Variants in ADGRL2 observed in about 807,000 individuals in gnomAD.
ADGRL2 encodes the protein adhesion G protein-coupled receptor L2, also known as calcium-independent alpha-latrotoxin receptor 2.
A neutral mutation model predicts 157.4 loss-of-function variants in ADGRL2; 44 were observed. The observed-to-expected ratio is 0.28, with a 90% CI of 0.22 to 0.36. ADGRL2 has a LOEUF of 0.36. Among genes scored for constraint, ADGRL2 ranks in the 10% least tolerant of loss-of-function variants. ADGRL2 has a pLI of 1.00. For missense variants in ADGRL2, 1,510 were observed against 1,768.9 expected (o/e 0.85, Z 2.63); for synonymous variants, 585 against 624.7 (o/e 0.94, Z 0.95).
chr1:81,920,343 C>A (rs1211616607), intron 3 of ADGRL2, among the ~76,000 whole-genome samples: 1 of 152,126 alleles, frequency 6.6e-6, no homozygotes, highest in Non-Finnish European at 1.5e-5. Context: ...GAAAACAACT[C>A]ATAAAACTCT....
chr1:81,970,610 C>T (rs6690427), intron 16 of ADGRL2, 76 bp downstream of exon 16: 4 of 1,035,260 alleles, frequency 3.9e-6, no homozygotes, highest in South Asian at 1.4e-5. Flanking sequence ...AGTGAGGGTC[C>T]CTGACAGATT....
intron 1 of ADGRL2, among the ~76,000 whole-genome samples, chr1:81,754,499 C>A: frequency 7.8e-6 from 1 of 127,464 alleles, no homozygotes; most frequent in Non-Finnish European, 1.6e-5. Context: ...TTCCTTCTTT[C>A]CTTCCTCTTT....
At chr1:81,385,466 G>A (rs577556000) in intron 1 of ADGRL2, among the ~76,000 whole-genome samples, 1 of 152,160 alleles carries the variant, frequency 6.6e-6, no homozygotes, top group South Asian at 2.1e-4. Context: ...TCAAGTAAAT[G>A]AAATCAAAGG....
chr1:81,778,904 T>G (rs1382365631), intron 2 of ADGRL2, among the ~76,000 whole-genome samples: 1 of 152,228 alleles, frequency 6.6e-6, no homozygotes, highest in Non-Finnish European at 1.5e-5. Flanking sequence ...CTTGGGCAAC[T>G]TATTCAACCA....
At chr1:81,337,706 A>G (rs896824308) in intron 1 of ADGRL2, among the ~76,000 whole-genome samples, 2 of 152,304 alleles carry the variant, frequency 1.3e-5, no homozygotes, top group Admixed American at 1.3e-4. Context: ...CCATTGGTCT[A>G]CAGGATTTGT....
chr1:81,666,045 CAAAT>C (rs758311850), intron 3 of ADGRL2, among the ~76,000 whole-genome samples: 1 of 152,098 alleles, frequency 6.6e-6, no homozygotes, highest in Non-Finnish European at 1.5e-5. Context: ...AACAATCAAA[CAAAT>C]AGATAAGCAA....
chr1:81,655,953 C>T lies in ADGRL2; in HGVS notation c.-143+74973C>T, dbSNP rs113118644. Among the ~76,000 whole-genome samples, 487 of 152,306 alleles carry T rather than the reference C, an allele frequency of 3.2e-3. 2 individuals carry two copies. The highest frequency in any genetic ancestry group is 0.011 in the African/African-American group (447 of 41,572). ...AGCCCCAGGGTTCAAAGGTTCAGGACTGCCAGAGGCATTTGGGAAAGGCTG... is the reference window on the plus strand; with the variant it reads ...AGCCCCAGGGTTCAAAGGTTCAGGATTGCCAGAGGCATTTGGGAAAGGCTG... On this transcript the variant is annotated intron_variant, in intron 3 of 24. Transcript: ENST00000370721.
intron 3 of ADGRL2, among the ~76,000 whole-genome samples, chr1:81,680,067 G>A (rs2083077025): frequency 1.3e-5 from 2 of 152,320 alleles, no homozygotes; most frequent in South Asian, 4.1e-4. Flanking sequence ...AGGGAAAATA[G>A]TGTAAAGTTA....
At chr1:81,806,496 T>C (rs2089173869) in intron 1 of ADGRL2, among the ~76,000 whole-genome samples, 1 of 152,056 alleles carries the variant, frequency 6.6e-6, no homozygotes, top group Non-Finnish European at 1.5e-5. Flanking sequence ...TTTCATTAAA[T>C]TTAAAATAGC....
chr1:81,631,196 C>T (rs529995853), intron 3 of ADGRL2, among the ~76,000 whole-genome samples: 36 of 151,800 alleles, frequency 2.4e-4, no homozygotes, highest in Non-Finnish European at 4.9e-4. Context: ...TGGAACCAAC[C>T]GACCTTCTTT....
At chr1:81,593,271 G>A (rs76879658) in intron 3 of ADGRL2, among the ~76,000 whole-genome samples, 1,799 of 152,218 alleles carry the variant, frequency 0.012, 33 homozygotes, top group African/African-American at 0.041. Context: ...ATCACCTGGC[G>A]CTCACTATTA....
At chr1:81,547,304 C>A (rs1413577702) in intron 2 of ADGRL2, among the ~76,000 whole-genome samples, 1 of 152,168 alleles carries the variant, frequency 6.6e-6, no homozygotes, top group Non-Finnish European at 1.5e-5. Flanking sequence ...GCAGAAGGAA[C>A]CTGTAAAGCG....
At chr1:81,933,960 T>C (rs2095272058) in intron 3 of ADGRL2, among the ~76,000 whole-genome samples, 1 of 152,124 alleles carries the variant, frequency 6.6e-6, no homozygotes, top group African/African-American at 2.4e-5. Context: ...TTCTTGCACT[T>C]CTGATATCTC....
intron 1 of ADGRL2, among the ~76,000 whole-genome samples, chr1:81,740,354 G>C (rs1373484110): frequency 6.6e-6 from 1 of 152,146 alleles, no homozygotes; most frequent in African/African-American, 2.4e-5. Context: ...TGGCATCCTT[G>C]AATATAATTT....
chr1:81,331,125 A>C (rs1322618205), intron 1 of ADGRL2, among the ~76,000 whole-genome samples: 2 of 152,130 alleles, frequency 1.3e-5, no homozygotes, highest in Non-Finnish European at 2.9e-5. Context: ...AAACCAAAAC[A>C]TCAAGCTGAT....
At chr1:81,390,736 A>T (rs1166506779) in intron 1 of ADGRL2, among the ~76,000 whole-genome samples, 1 of 152,308 alleles carries the variant, frequency 6.6e-6, no homozygotes, top group Non-Finnish European at 1.5e-5. Flanking sequence ...TTTCTGTATC[A>T]GTACATATTG....
In ADGRL2 at chr1:81,946,806, G is replaced by A. The variant is rs578102322; in HGVS notation, c.1210+3037G>A. Reference sequence around the variant, plus strand: ...ACAGGGGCAAGTTGAATAGGTGCTCGTTTTTGCTTTACCAAGCTACAGAAA... The same window carrying A: ...ACAGGGGCAAGTTGAATAGGTGCTCATTTTTGCTTTACCAAGCTACAGAAA... On this transcript the variant is annotated intron_variant, in intron 6 of 23. Transcript: ENST00000686636. 2.2e-4 allele frequency among the ~76,000 whole-genome samples: 34 copies of A among 152,238 alleles called. No individual in the cohort carries two copies. In the South Asian group the frequency reaches 2.5e-3, roughly 11 times the overall value.
intron 1 of ADGRL2, among the ~76,000 whole-genome samples, chr1:81,736,137 C>G (rs568614026): frequency 7.0e-4 from 86 of 123,172 alleles, no homozygotes; most frequent in African/African-American, 2.7e-3. Flanking sequence ...AGCAAGACCC[C>G]GTCTCAAAAA....
At chr1:81,941,231 T>C (rs1385782155) in intron 4 of ADGRL2, among the ~76,000 whole-genome samples, 1 of 151,164 alleles carries the variant, frequency 6.6e-6, no homozygotes, top group Non-Finnish European at 1.5e-5. Context: ...ATATAGAAAA[T>C]TTAATAAGAA....
Sources: gnomAD v4.1 joint callset for allele counts (sites outside exome capture counted in the v4.1 genomes callset) on GRCh38, gnomAD v4.1.1 for gene constraint, MANE v1.5 for transcripts, NCBI Gene and HGNC (gene_info 2026-07-23, HGNC 2026-07-21) for gene names.